CDH1: variants seen among roughly 807,000 people sequenced by gnomAD.
The protein encoded by CDH1 is cadherin 1.
Under a neutral mutation model 84.5 loss-of-function variants are expected in CDH1, and 35 were observed. The observed-to-expected ratio is 0.41, with a 90% CI of 0.32 to 0.55. CDH1 has a LOEUF of 0.55. Ranked by LOEUF, CDH1 falls within the 20% of genes least tolerant of loss-of-function variation. The probability of loss-of-function intolerance (pLI) is 0.19; values close to 1 mark genes in which losing one functional copy is unlikely to be tolerated. For missense variants in CDH1, 994 were observed against 1,126.6 expected, an observed-to-expected ratio of 0.88 and a Z score of 1.68; for synonymous variants, 417 against 439.0, an observed-to-expected ratio of 0.95 and a Z score of 0.63.
intron 2 of CDH1, among the ~76,000 whole-genome samples, chr16:68,782,143 G>T (rs577117775): frequency 2.0e-5 from 3 of 152,250 alleles, no homozygotes; most frequent in Non-Finnish European, 4.4e-5. Flanking sequence ...GGCTCCACAG[G>T]CACCCCCCAC....
At chr16:68,827,224 T>C (rs1391568609) in intron 13 of CDH1, among the ~76,000 whole-genome samples, 1 of 151,926 alleles carries the variant, frequency 6.6e-6, no homozygotes, top group African/African-American at 2.4e-5. Context: ...TGAGCTGAGA[T>C]TGCGCCACTA....
chr16:68,738,473 A>G, intron 2 of CDH1, 62 bp downstream of exon 2: 1 of 1,154,264 alleles, frequency 8.7e-7, no homozygotes, highest in Non-Finnish European at 1.3e-6. Flanking sequence ...GGGCCGAGAA[A>G]TTGCACTCCC....
At chr16:68,831,404 A>G (rs1242197050) in intron 15 of CDH1, among the ~76,000 whole-genome samples, 2 of 151,480 alleles carry the variant, frequency 1.3e-5, no homozygotes, top group Non-Finnish European at 2.9e-5. Context: ...TTAGCTTTCT[A>G]TGGGAGCTGT....
At position 68,833,834 on chromosome 16, in the gene CDH1, A is replaced by G. The variant is rs1277183308; in HGVS notation, c.*335A>G. 9 of 392,424 alleles carry G rather than the reference A, an allele frequency of 2.3e-5. No individual in the cohort carries two copies. Among genetic ancestry groups the G allele is most frequent in the Non-Finnish European group, 3.3e-5 (7 of 213,844 alleles). 24.3% of individuals were successfully genotyped at this position (392,424 alleles called of 1,614,324 possible). A position where few individuals can be genotyped will look rare whatever the true frequency, so the allele number is the denominator to read the frequency against. ...CAGCACCTTGCAGATTTTCTTAAGG[A>G]ATTTTGTCTCACTTTTAAAAAGAAG... On this transcript the variant is annotated 3_prime_UTR_variant, in exon 16 of 16. Coordinates refer to ENST00000261769, the MANE Select transcript of CDH1 (RefSeq NM_004360.5).
In CDH1 at chr16:68,743,746, G is replaced by T. The variant is rs1222064757; in HGVS notation, c.163+5335G>T. Among the ~76,000 whole-genome samples, 6 of 152,164 alleles carry T rather than the reference G, an allele frequency of 3.9e-5. No homozygotes were observed. In the South Asian group the frequency reaches 1.2e-3, roughly 32 times the overall value. ...TCAAAAAGGAGAATGAAATCATTCAGCAGTGGCTGTTTAGGATCCTTCAGC... is the reference window on the plus strand; with the variant it reads ...TCAAAAAGGAGAATGAAATCATTCATCAGTGGCTGTTTAGGATCCTTCAGC... On this transcript the variant is annotated intron_variant, in intron 2 of 15. Coordinates refer to ENST00000261769, the MANE Select transcript of CDH1 (RefSeq NM_004360.5).
At chr16:68,754,125 A>G (rs561497980) in intron 2 of CDH1, among the ~76,000 whole-genome samples, 1 of 151,954 alleles carries the variant, frequency 6.6e-6, no homozygotes, top group African/African-American at 2.4e-5. Flanking sequence ...TCAAAAAAAA[A>G]AAAAAAAAAT....
At chr16:68,738,926 G>GAT (rs1230660418) in intron 2 of CDH1, among the ~76,000 whole-genome samples, 2 of 56,732 alleles carry the variant, frequency 3.5e-5, no homozygotes, top group Non-Finnish European at 8.2e-5. Context: ...TTTGTTTACA[G>GAT]ATATAAAAGC....
chr16:68,783,681 T>C (rs1321688474), intron 2 of CDH1, among the ~76,000 whole-genome samples: 9 of 152,258 alleles, frequency 5.9e-5, no homozygotes, highest in Non-Finnish European at 1.3e-4. Flanking sequence ...CTTTTTATTT[T>C]ATTTATTTTT....
chr16:68,777,151 T>C (rs546347088), intron 2 of CDH1, among the ~76,000 whole-genome samples: 2 of 152,290 alleles, frequency 1.3e-5, no homozygotes, highest in African/African-American at 2.4e-5. Flanking sequence ...TGTGTTGGCA[T>C]GGTGCTTCCT....
chr16:68,768,367 A>G (rs754318156), intron 2 of CDH1, among the ~76,000 whole-genome samples: 1 of 152,258 alleles, frequency 6.6e-6, no homozygotes, highest in Non-Finnish European at 1.5e-5. Flanking sequence ...AGAGGAAAAC[A>G]AGATCAGTTG....
At position 68,821,985 on chromosome 16, in the gene CDH1, G is replaced by T. The variant is rs1480219208; in HGVS notation, c.1712-16G>T. ...CTGTTGCCAAGCTGCCACATTTTCT[G>T]TGTATTTTCTCTTAGGTTCTCCAGT... is the stretch of plus-strand genomic sequence containing the variant. On this transcript the variant is annotated splice_polypyrimidine_tract_variant and intron_variant, in intron 11 of 15. Coordinates refer to ENST00000261769, the MANE Select transcript of CDH1 (RefSeq NM_004360.5). 2 of 1,601,788 alleles carry T rather than the reference G, an allele frequency of 1.2e-6. No individual in the cohort carries two copies.
chr16:68,830,025 T>G (rs991571176), intron 15 of CDH1, among the ~76,000 whole-genome samples: 1 of 151,010 alleles, frequency 6.6e-6, no homozygotes, highest in Non-Finnish European at 1.5e-5. Context: ...TGGCGCAATC[T>G]TTGCTCACCA....
chr16:68,827,251 A>G (rs1435385552), intron 13 of CDH1, among the ~76,000 whole-genome samples: 1 of 152,110 alleles, frequency 6.6e-6, no homozygotes, highest in African/African-American at 2.4e-5. Context: ...AGCCTGGGCA[A>G]CAGAGTGAGA....
At chr16:68,771,100 G>A (rs1015295500) in intron 2 of CDH1, 2 of 152,218 alleles carry the variant, frequency 1.3e-5, no homozygotes, top group Admixed American at 6.6e-5. Context: ...GGCTAAGTGC[G>A]GGCTGGTGTG....
Position 68,801,714 on chromosome 16 carries a change from T to A in CDH1, c.208T>A (p.Ser70Thr), listed in dbSNP as rs587781862. Reference sequence around the variant, plus strand: ...CGGTCGACAAAGGACAGCCTATTTTTCCCTCGACACCCGATTCAAAGTGGG... The same window carrying A: ...CGGTCGACAAAGGACAGCCTATTTTACCCTCGACACCCGATTCAAAGTGGG... ...CTGRQRTAYF[S>T]LDTRFKVGTD... Residue 70 changes from serine to threonine, a missense_variant, in exon 3 of 16, where the codon TCC becomes ACC. Ser to Thr is a moderately conservative substitution (Grantham distance 58). This residue lies in a region of CDH1 where 203 missense variants were observed against 194.0 expected (regional missense o/e 1.05). Transcript: ENST00000261769. 22 of 1,614,046 alleles carry A rather than the reference T, an allele frequency of 1.4e-5. No homozygotes were observed. Among genetic ancestry groups the A allele is most frequent in the Non-Finnish European group, 1.9e-5 (22 of 1,180,036 alleles).
chr16:68,780,034 T>G (rs1959833178), intron 2 of CDH1, among the ~76,000 whole-genome samples: 1 of 152,200 alleles, frequency 6.6e-6, no homozygotes, highest in Non-Finnish European at 1.5e-5. Context: ...ACTTTGTCAC[T>G]GACTACCCTT....
At chr16:68,824,040 G>A (rs371506360) in intron 13 of CDH1, among the ~76,000 whole-genome samples, 24 of 125,198 alleles carry the variant, frequency 1.9e-4, no homozygotes, top group African/African-American at 6.0e-4. Context: ...TCTTGTTGCC[G>A]AGGCTGGAGT....
chr16:68,815,366 T>TAATTGAAAA lies in CDH1; in HGVS notation c.1321-149_1321-148insAATTGAAAA, dbSNP rs1319494058. On this transcript the variant is annotated intron_variant, in intron 9 of 15. Coordinates refer to ENST00000261769, the MANE Select transcript of CDH1 (RefSeq NM_004360.5). ...GAGAAGCCATGGTAAGTAATTGTGG[T>TAATTGAAAA]TTCTGCCATTGAAAGTCATGGCAGA... The TAATTGAAAA allele has an allele frequency of 5.1e-5, 50 of 971,746 alleles. 1 individual carries two copies. In the African/African-American group the frequency reaches 6.6e-4, roughly 13 times the overall value. The allele number at this position is 971,746 out of a possible 1,614,324, so 60.2% of individuals were successfully genotyped here.
intron 2 of CDH1, among the ~76,000 whole-genome samples, chr16:68,793,707 G>T (rs1390418829): frequency 2.0e-5 from 3 of 152,314 alleles, no homozygotes; most frequent in Admixed American, 2.0e-4. Flanking sequence ...GCCTGACCAA[G>T]AGGTGAAACC....
Sources: gnomAD v4.1 joint callset for allele counts (sites outside exome capture counted in the v4.1 genomes callset) on GRCh38, gnomAD v4.1.1 for gene constraint, gnomAD v4.1.1 regional missense constraint, MANE v1.5 for transcripts, NCBI Gene and HGNC (gene_info 2026-07-23, HGNC 2026-07-21) for gene names.